The following DAPK2 variants were observed in gnomAD, a reference collection of about 807,000 sequenced individuals.
The protein encoded by DAPK2 is death-associated protein kinase 2.
Under a neutral mutation model 44.1 loss-of-function variants are expected in DAPK2, and 35 were observed. The ratio of observed to expected loss-of-function variants is 0.79; its 90% confidence interval spans 0.61 to 1.05. The LOEUF (loss-of-function observed/expected upper bound fraction) is 1.05. Ranked by LOEUF, DAPK2 falls within the 50% of genes least tolerant of loss-of-function variation. DAPK2 has a pLI of 0.00. For missense variants in DAPK2, 453 were observed against 483.2 expected (o/e 0.94, Z 0.59); for synonymous variants, 174 against 182.6 (o/e 0.95, Z 0.38).
chr15:63,924,895 T>A (rs16947584), intron 7 of DAPK2, 34 bp from the exon 9 acceptor site: 60,786 of 1,612,718 alleles, frequency 0.038, 1,319 homozygotes, highest in South Asian at 0.067. Context: ...TGATGATCCA[T>A]GAGGACAGAA....
chr15:64,015,366 C>T (rs1255324215), intron 1 of DAPK2, among the ~76,000 whole-genome samples: 3 of 152,150 alleles, frequency 2.0e-5, no homozygotes, highest in African/African-American at 7.2e-5. Context: ...TCTAAAGGAT[C>T]GAGACCACTT....
upstream of DAPK2, among the ~76,000 whole-genome samples, chr15:64,043,989 G>A (rs1314357140): frequency 4.6e-5 from 7 of 152,186 alleles, no homozygotes; most frequent in Admixed American, 1.3e-4. Context: ...GCCACTTCAA[G>A]CACTTTCCTA....
chr15:63,913,182 C>A (rs1194337609), intron 8 of DAPK2, among the ~76,000 whole-genome samples: 1 of 152,100 alleles, frequency 6.6e-6, no homozygotes, highest in African/African-American at 2.4e-5. Context: ...AGATGGGTAG[C>A]TGCCAGGGGC....
At position 63,980,171 on chromosome 15, in the gene DAPK2, A is replaced by T. The variant is rs2078463047; in HGVS notation, c.314+3362T>A. ...AGCAAGTCATGGGAGCACCAGCGTG[A>T]CAACTGATGTTACAGATGGTGCACC... On this transcript the variant is annotated intron_variant, in intron 2 of 10. Transcript: ENST00000261891. This position sits in a 1 kb window ranked among gnomAD's most constrained non-coding sequence, Gnocchi z 4.3. 6.6e-6 allele frequency among the ~76,000 whole-genome samples: 1 copy of T among 152,200 alleles called. No individual in the cohort carries two copies. The highest frequency in any genetic ancestry group is 1.5e-5 in the Non-Finnish European group (1 of 68,034).
rs1475900366 is a variant in DAPK2, at chr15:63,980,288, C to T, written c.314+3245G>A. 6.6e-6 allele frequency among the ~76,000 whole-genome samples: 1 copy of T among 152,190 alleles called. No individual in the cohort carries two copies. Among genetic ancestry groups the T allele is most frequent in the South Asian group, 2.1e-4 (1 of 4,826 alleles). On this transcript the variant is annotated intron_variant, in intron 2 of 10. Transcript: ENST00000261891. The surrounding 1 kb of genome is among the most constrained non-coding windows in gnomAD (Gnocchi z 4.3). ...TCAAGAGCATTTACCTGCCACATCC[C>T]CGCCACCGACTCCTAGGGTTCTACA...
rs780608846 is a variant in DAPK2 at position 63,912,088 on chromosome 15, C to G, written c.948+20G>C. 6.2e-7 allele frequency: 1 copy of G among 1,609,976 alleles called. No homozygotes were observed. Among genetic ancestry groups the G allele is most frequent in the Admixed American group, 1.7e-5 (1 of 59,774 alleles). ...CCCTAGCCCCCACCCTGTCCCCCGC[C>G]GCCCCAACCCTGGACACACCTTCCA... On this transcript the variant is annotated intron_variant, in intron 9 of 10. Transcript: ENST00000261891. The surrounding 1 kb of genome is among the most constrained non-coding windows in gnomAD (Gnocchi z 4.4).
intron 1 of DAPK2, among the ~76,000 whole-genome samples, chr15:63,988,508 T>TC: frequency 7.8e-6 from 1 of 127,674 alleles, no homozygotes; most frequent in East Asian, 2.1e-4. Flanking sequence ...CAGCTTTTCC[T>TC]TTTTTTTTTT....
chr15:64,007,016 T>A lies in DAPK2; in HGVS notation c.93-23262A>T, dbSNP rs74021227. On this transcript the variant is annotated intron_variant, in intron 1 of 10. Transcript: ENST00000261891. ...TGCAGGGGAGAGGATCTAAAGGCAG[T>A]GGTGGGCCCACCCTCACTTTACTGT... is the stretch of plus-strand genomic sequence containing the variant. 7.4e-4 allele frequency among the ~76,000 whole-genome samples: 113 copies of A among 152,242 alleles called. 5 individuals carry two copies. Among genetic ancestry groups the A allele is most frequent in the African/African-American group, 2.6e-3 (108 of 41,512 alleles).
At chr15:64,046,352 G>A (rs1415156788), upstream of DAPK2, 1 of 11,762 alleles carries the variant, frequency 8.5e-5, no homozygotes, top group Non-Finnish European at 1.7e-4. This position sits in a 1 kb window ranked among gnomAD's most constrained non-coding sequence, Gnocchi z 5.3. Flanking sequence ...CGGGAGCGGC[G>A]GGCGCGGCGG....
intron 1 of DAPK2, among the ~76,000 whole-genome samples, chr15:64,009,439 A>T (rs1232066296): frequency 6.6e-6 from 1 of 152,040 alleles, no homozygotes; most frequent in African/African-American, 2.4e-5. Context: ...ATCAAGCCTG[A>T]GCTCCTTGGC....
chr15:63,937,519 C>T lies in DAPK2; in HGVS notation c.583+1713G>A, dbSNP rs371771801. ...TGATAAATGCCTTACTCTGGCCTTA[C>T]TTCCCTGGTAGGGTATCAGTGAACC... On this transcript the variant is annotated intron_variant, in intron 4 of 10. Coordinates refer to ENST00000261891, the Ensembl canonical transcript of DAPK2. Among the ~76,000 whole-genome samples, 168 of 152,300 alleles carry T rather than the reference C, an allele frequency of 1.1e-3. 1 individual carries two copies. The highest frequency in any genetic ancestry group is 3.9e-3 in the African/African-American group (162 of 41,564).
intron 1 of DAPK2, among the ~76,000 whole-genome samples, chr15:64,036,269 A>ATGTGTGTG (rs1250243136): frequency 1.3e-5 from 1 of 74,844 alleles, no homozygotes; most frequent in African/African-American, 4.9e-5. Flanking sequence ...CAAAATATAT[A>ATGTGTGTG]TATATGTGTG....
chr15:63,986,077 C>T (rs2078660480), intron 1 of DAPK2, among the ~76,000 whole-genome samples: 1 of 152,246 alleles, frequency 6.6e-6, no homozygotes, highest in Non-Finnish European at 1.5e-5. Context: ...TCTGCTCAAC[C>T]TGTAGAGGGG....
chr15:63,956,594 T>A (rs1157815238), intron 3 of DAPK2, among the ~76,000 whole-genome samples: 2 of 152,062 alleles, frequency 1.3e-5, no homozygotes, highest in African/African-American at 4.8e-5. Flanking sequence ...ATTTAAATTT[T>A]TTTTTTTTTT....
chr15:63,929,653 T>G, intron 5 of DAPK2, 76 bp from the exon 7 acceptor site: 1 of 1,587,730 alleles, frequency 6.3e-7, no homozygotes. Context: ...CTCATGGATC[T>G]AAGGGGAAGA....
intron 2 of DAPK2, among the ~76,000 whole-genome samples, chr15:63,973,145 T>C (rs2078258044): frequency 6.6e-6 from 1 of 152,230 alleles, no homozygotes; most frequent in Admixed American, 6.5e-5. Context: ...CTCCAAACTC[T>C]GTTGCCATAC....
chr15:63,923,278 G>C lies in DAPK2; in HGVS notation c.858+1538C>G. The C allele has an allele frequency of 6.5e-7, 1 of 1,535,936 alleles. No homozygotes were observed. The highest frequency in any genetic ancestry group is 8.7e-7 in the Non-Finnish European group (1 of 1,146,742). ...GGCATTTGAGAGTGTACTCTCTCAGGTGCTTGGTCTTCAGCTGGGTGGGCT... is the reference window on the plus strand; with the variant it reads ...GGCATTTGAGAGTGTACTCTCTCAGCTGCTTGGTCTTCAGCTGGGTGGGCT... On this transcript the variant is annotated intron_variant, in intron 8 of 10. Coordinates refer to ENST00000261891, the Ensembl canonical transcript of DAPK2. This position sits in a 1 kb window ranked among gnomAD's most constrained non-coding sequence, Gnocchi z 4.2.
At chr15:63,983,712 C>T (rs763585853) in exon 2 of DAPK2, 37 of 1,613,164 alleles carry the variant, frequency 2.3e-5, no homozygotes, top group Non-Finnish European at 3.1e-5. Context: ...ACTCAAGCCC[C>T]GTGCTCTTCT....
Position 63,908,506 on chromosome 15 carries a change from G to T in DAPK2, c.*14C>A. The T allele has an allele frequency of 6.4e-7, 1 of 1,567,676 alleles. No homozygotes were observed. The highest frequency in any genetic ancestry group is 2.3e-5 in the East Asian group (1 of 43,248). ...GGCCCAGACCTCCCTGGCGGCCACT[G>T]CAGGTCAGGCCAGTTAGGAGGTGCT... On this transcript the variant is annotated 3_prime_UTR_variant, in exon 11 of 11. Transcript: ENST00000261891. This position sits in a 1 kb window ranked among gnomAD's most constrained non-coding sequence, Gnocchi z 5.7.
Sources: gnomAD v4.1 joint callset for allele counts (sites outside exome capture counted in the v4.1 genomes callset) on GRCh38, gnomAD v4.1.1 for gene constraint, Gnocchi (gnomAD v3.1) non-coding constraint, MANE v1.5 for transcripts, NCBI Gene and HGNC (gene_info 2026-07-23, HGNC 2026-07-21) for gene names.